The following AKAP13 variants were observed in gnomAD, a reference collection of about 807,000 sequenced individuals.
AKAP13 encodes A-kinase anchor protein 13.
AKAP13 carries 80 observed loss-of-function variants against 264.5 expected under a neutral mutation model. The ratio of observed to expected loss-of-function variants is 0.30; its 90% CI spans 0.25 to 0.36. The LOEUF (loss-of-function observed/expected upper bound fraction) is 0.36. AKAP13 is among the 10% of genes least tolerant of loss of function. The pLI is 1.00. For missense variants in AKAP13, 3,712 were observed against 3,435.2 expected (o/e 1.08, Z -2.01); for synonymous variants, 1,380 against 1,250.2 (o/e 1.10, Z -2.19).
intron 12 of AKAP13, among the ~76,000 whole-genome samples, chr15:85,660,352 CAAAAAAAAAAAAAAAAA>C (rs35636118): frequency 0.06 from 4,118 of 68,848 alleles, 210 homozygotes; most frequent in Middle Eastern, 0.19. Context: ...ATCTAAGTCT[CAAAAAAAAAAAAAAAAA>C]AAAAAAAAAA....
At chr15:85,450,938 T>A (rs1335957298) in intron 1 of AKAP13, among the ~76,000 whole-genome samples, 1 of 152,228 alleles carries the variant, frequency 6.6e-6, no homozygotes, top group African/African-American at 2.4e-5. Context: ...GTCTGTCTAA[T>A]ACTGTCAGTG....
At chr15:85,623,744 G>GT (rs2081292454) in intron 8 of AKAP13, among the ~76,000 whole-genome samples, 1 of 152,192 alleles carries the variant, frequency 6.6e-6, no homozygotes, top group East Asian at 1.9e-4. Context: ...GTTCTCCAGC[G>GT]TAACATACAC....
chr15:85,544,520 T>C (rs2077670697), intron 5 of AKAP13, among the ~76,000 whole-genome samples: 1 of 152,234 alleles, frequency 6.6e-6, no homozygotes, highest in Non-Finnish European at 1.5e-5. Context: ...CCTGGAAATG[T>C]GCAGTAGGAA....
chr15:85,391,623 C>T (rs1363749986), intron 1 of AKAP13, among the ~76,000 whole-genome samples: 2 of 150,114 alleles, frequency 1.3e-5, no homozygotes. Context: ...CAGCTGGGAC[C>T]ACCGGTGTGC....
At chr15:85,645,553 G>C (rs1380757016) in intron 9 of AKAP13, among the ~76,000 whole-genome samples, 2 of 152,090 alleles carry the variant, frequency 1.3e-5, no homozygotes, top group African/African-American at 4.8e-5. Context: ...TTATCTTTCT[G>C]TACCTAATAT....
At chr15:85,539,953 G>A (rs979187788) in intron 4 of AKAP13, among the ~76,000 whole-genome samples, 3 of 152,144 alleles carry the variant, frequency 2.0e-5, no homozygotes, top group Non-Finnish European at 2.9e-5. Flanking sequence ...CCTTTAAAGA[G>A]CTCAATAAAA....
At chr15:85,584,549 A>G (rs982711779) in intron 7 of AKAP13, among the ~76,000 whole-genome samples, 1 of 152,210 alleles carries the variant, frequency 6.6e-6, no homozygotes, top group Non-Finnish European at 1.5e-5. Flanking sequence ...ATAACATTTT[A>G]TGAAATTTAA....
chr15:85,706,054 T>G (rs2086232692), intron 17 of AKAP13, among the ~76,000 whole-genome samples: 1 of 152,218 alleles, frequency 6.6e-6, no homozygotes, highest in African/African-American at 2.4e-5. Flanking sequence ...TTTTTATACT[T>G]TTTCTGTAGA....
intron 16 of AKAP13, among the ~76,000 whole-genome samples, chr15:85,689,218 G>C (rs2151627784): frequency 6.6e-6 from 1 of 152,320 alleles, no homozygotes; most frequent in African/African-American, 2.4e-5. Context: ...TTCAGTTACA[G>C]CTCCTAGGTC....
chr15:85,553,961 T>G (rs2078052898), intron 5 of AKAP13, among the ~76,000 whole-genome samples: 1 of 152,106 alleles, frequency 6.6e-6, no homozygotes, highest in South Asian at 2.1e-4. Flanking sequence ...CCCCGCCCCC[T>G]CATCTGTGGA....
chr15:85,596,000 TAC>T (rs1028539430), intron 8 of AKAP13, among the ~76,000 whole-genome samples: 10 of 152,214 alleles, frequency 6.6e-5, no homozygotes, highest in Non-Finnish European at 1.3e-4. Context: ...TTTCATTTCA[TAC>T]AGTGATGTAG....
rs1040614302 is a variant in AKAP13, at chr15:85,415,260, C to T, written c.-12+34462C>T. 30 of 1,572,204 alleles carry T rather than the reference C, an allele frequency of 1.9e-5. No homozygotes were observed. In the East Asian group the frequency reaches 4.3e-4, roughly 23 times the overall value. On this transcript the variant is annotated intron_variant, in intron 1 of 36. Transcript: ENST00000394518. Reference sequence around the variant, plus strand: ...AGTTCAGCAGCTGGAAGGAAGATGGCGCCTGGTGGACAGCAGAGGCTTTGA... The same window carrying T: ...AGTTCAGCAGCTGGAAGGAAGATGGTGCCTGGTGGACAGCAGAGGCTTTGA...
chr15:85,609,236 T>C (rs2151385967), intron 8 of AKAP13, among the ~76,000 whole-genome samples: 1 of 152,314 alleles, frequency 6.6e-6, no homozygotes, highest in Non-Finnish European at 1.5e-5. Context: ...TTATGACTCT[T>C]TACCCATTGA....
At chr15:85,705,972 C>G (rs2086224541) in intron 17 of AKAP13, among the ~76,000 whole-genome samples, 1 of 152,230 alleles carries the variant, frequency 6.6e-6, no homozygotes, top group African/African-American at 2.4e-5. Context: ...TTCTCTTCAG[C>G]ATTATATATT....
At chr15:85,434,692 T>C (rs1380278170) in intron 1 of AKAP13, among the ~76,000 whole-genome samples, 21 of 151,936 alleles carry the variant, frequency 1.4e-4, no homozygotes, top group African/African-American at 3.4e-4. Context: ...AACTGGGAGG[T>C]ACCCCCCAGC....
At chr15:85,526,058 A>C (rs1213619618) in intron 3 of AKAP13, among the ~76,000 whole-genome samples, 1 of 152,176 alleles carries the variant, frequency 6.6e-6, no homozygotes, top group South Asian at 2.1e-4. Context: ...ATTGACTCCA[A>C]ATTTGACTCA....
chr15:85,732,097 AAC>A lies in AKAP13; in HGVS notation c.7282+1391_7282+1392del, dbSNP rs1555464895. Among the ~76,000 whole-genome samples, 253 of 149,768 alleles carry A rather than the reference AAC, an allele frequency of 1.7e-3. 3 individuals carry two copies. Among genetic ancestry groups the A allele is most frequent in the African/African-American group, 5.8e-3 (238 of 41,272 alleles). On this transcript the variant is annotated intron_variant, in intron 30 of 36. Coordinates refer to ENST00000394518, the MANE Select transcript of AKAP13 (RefSeq NM_007200.5). The stretch of plus-strand genomic sequence containing the variant: ...GACTATCTCAAAAAAAAAAAAAAAA[AAC>A]GTTTGATGGATTTCAAGTCATTGCA...
At chr15:85,654,381 T>C (rs1363685375) in intron 10 of AKAP13, among the ~76,000 whole-genome samples, 1 of 152,214 alleles carries the variant, frequency 6.6e-6, no homozygotes, top group Non-Finnish European at 1.5e-5. Flanking sequence ...GACTGTTTTG[T>C]TTTCAGTTAA....
chr15:85,531,346 G>C (rs571107142), intron 3 of AKAP13, among the ~76,000 whole-genome samples: 1 of 152,288 alleles, frequency 6.6e-6, no homozygotes, highest in East Asian at 1.9e-4. Context: ...TCTCTGTTAT[G>C]AACCGTAAAT....
Sources: gnomAD v4.1 joint callset for allele counts (sites outside exome capture counted in the v4.1 genomes callset) on GRCh38, gnomAD v4.1.1 for gene constraint, MANE v1.5 for transcripts, NCBI Gene and HGNC (gene_info 2026-07-23, HGNC 2026-07-21) for gene names.